SDK1: variants seen among roughly 807,000 people sequenced by gnomAD.
The protein encoded by SDK1 is protein sidekick-1.
A neutral mutation model predicts 245.5 loss-of-function variants in SDK1; 157 were observed. That is an observed-to-expected ratio of 0.64 (90% CI 0.56 to 0.73). The LOEUF (loss-of-function observed/expected upper bound fraction) is 0.73, where lower values mean the gene tolerates loss of function less well. Among genes scored for constraint, SDK1 ranks in the 30% least tolerant of loss-of-function variants. SDK1 has a pLI of 0.00. For synonymous variants in SDK1, 1,647 were observed against 1,278.5 expected, an observed-to-expected ratio of 1.29 and a Z score of -6.15; for missense variants, 3,583 against 3,002.3, an observed-to-expected ratio of 1.19 and a Z score of -4.52.
chr7:3,530,844 G>T (rs553932696), intron 1 of SDK1, among the ~76,000 whole-genome samples: 2 of 152,174 alleles, frequency 1.3e-5, no homozygotes, highest in Non-Finnish European at 2.9e-5. Context: ...TTTTCTGAAA[G>T]AATTAATCAC....
rs377266004 is a variant in SDK1 at position 4,077,184 on chromosome 7, C to A, written c.3197C>A (p.Pro1066His). The A allele has an allele frequency of 1.9e-6, 3 of 1,614,004 alleles. No individual in the cohort carries two copies. In the South Asian group the frequency reaches 3.3e-5, roughly 18 times the overall value. Residue 1066 changes from proline to histidine, a missense_variant, in exon 21 of 45, where the codon CCC becomes CAC. Transcript: ENST00000404826. ...TCATCCACCATTTCTTCTGGAGTGC[C>A]CCCAGGTCAGTAGAATCGTGTGCGG... ...VTSSTISSGVPPDLPGAPSNL... is the reference protein window; with the variant it reads ...VTSSTISSGVHPDLPGAPSNL...
In SDK1 at chr7:4,049,336, G is replaced by C. The variant is rs763213496; in HGVS notation, c.2603-12G>C. On this transcript the variant is annotated splice_polypyrimidine_tract_variant and intron_variant, in intron 17 of 44. Transcript: ENST00000404826. Reference sequence around the variant, plus strand: ...ATTTGTTCTGCTGTCATCAATGACTGCCCTGCCACAGTGCCCACCGCGCCC... The same window carrying C: ...ATTTGTTCTGCTGTCATCAATGACTCCCCTGCCACAGTGCCCACCGCGCCC... The C allele has an allele frequency of 6.2e-7, 1 of 1,609,514 alleles. No individual in the cohort carries two copies. Among genetic ancestry groups the C allele is most frequent in the Non-Finnish European group, 8.5e-7 (1 of 1,176,400 alleles).
At chr7:4,149,213 G>A in intron 29 of SDK1, 49 bp from the exon 30 acceptor site, 1 of 1,417,646 alleles carries the variant, frequency 7.1e-7, no homozygotes, top group Non-Finnish European at 9.3e-7. Context: ...ATGTTCCTTG[G>A]GAAGGGCAGC....
At chr7:3,757,148 C>G (rs73672163) in intron 4 of SDK1, among the ~76,000 whole-genome samples, 3,733 of 152,248 alleles carry the variant, frequency 0.025, 145 homozygotes, top group African/African-American at 0.087. Context: ...GGGCTCAAAA[C>G]TACCCCCACT....
At chr7:3,389,762 A>C (rs1192353553) in intron 1 of SDK1, among the ~76,000 whole-genome samples, 1 of 150,764 alleles carries the variant, frequency 6.6e-6, no homozygotes, top group Non-Finnish European at 1.5e-5. Flanking sequence ...AATAAACAAA[A>C]ACAAAAAACT....
chr7:4,092,346 C>G (rs902971822), intron 22 of SDK1, among the ~76,000 whole-genome samples: 4 of 152,186 alleles, frequency 2.6e-5, no homozygotes, highest in African/African-American at 9.6e-5. Context: ...ACGCCTGGTT[C>G]TCATTCCCCA....
chr7:4,076,831 G>A (rs1229029209), intron 20 of SDK1, among the ~76,000 whole-genome samples, 167 bp from the exon 21 acceptor site: 1 of 152,108 alleles, frequency 6.6e-6, no homozygotes, highest in East Asian at 1.9e-4. Context: ...ACAGAGGAAG[G>A]AGCCTTGACC....
At chr7:3,412,067 A>G (rs761170099) in intron 1 of SDK1, among the ~76,000 whole-genome samples, 1 of 152,140 alleles carries the variant, frequency 6.6e-6, no homozygotes, top group Non-Finnish European at 1.5e-5. Flanking sequence ...ATGGAGAGAA[A>G]GAAGGCGTGT....
rs545798599 is a variant in SDK1 at position 3,727,181 on chromosome 7, A to G, written c.713+85076A>G. On this transcript the variant is annotated intron_variant, in intron 4 of 44. Coordinates refer to ENST00000404826, the MANE Select transcript of SDK1 (RefSeq NM_152744.4). ...ACTTGCATCATAAATAGGTGTTGGC[A>G]AAAGTATCACTCACTGATTATGTAC... Among the ~76,000 whole-genome samples, 32 of 152,360 alleles carry G rather than the reference A, an allele frequency of 2.1e-4. 1 individual carries two copies. In the South Asian group the frequency reaches 6.6e-3, roughly 32 times the overall value.
intron 4 of SDK1, among the ~76,000 whole-genome samples, chr7:3,753,023 A>G (rs574049944): frequency 9.8e-4 from 149 of 152,268 alleles, no homozygotes; most frequent in Admixed American, 1.1e-3. Flanking sequence ...CGTTGATACT[A>G]CTCGGTGTCT....
At chr7:3,302,015 T>TA (rs1779280108) in intron 1 of SDK1, 131 bp downstream of exon 1, 1 of 649,362 alleles carries the variant, frequency 1.5e-6, no homozygotes, top group Admixed American at 5.9e-5. Flanking sequence ...CTGGGGGCTC[T>TA]AGGGAGCCCA....
At chr7:3,829,358 AGAG>A (rs905710881) in intron 5 of SDK1, among the ~76,000 whole-genome samples, 3 of 152,184 alleles carry the variant, frequency 2.0e-5, no homozygotes, top group Non-Finnish European at 4.4e-5. Context: ...GGGCATACAG[AGAG>A]GAGAAGGCCC....
chr7:4,002,333 T>C (rs1015301981), intron 14 of SDK1, among the ~76,000 whole-genome samples: 7 of 152,214 alleles, frequency 4.6e-5, no homozygotes, highest in Non-Finnish European at 8.8e-5. Flanking sequence ...TGAAATTCTT[T>C]GTTGTCTGGG....
In SDK1 at chr7:4,221,803, G is replaced by A. The variant is rs558430732; in HGVS notation, c.5827+439G>A. ...TTATTAATAGTGAAACCGACACATC[G>A]TTTGCTTCATTTTTTAGGCTTCCGA... is the stretch of plus-strand genomic sequence containing the variant. On this transcript the variant is annotated intron_variant, in intron 40 of 44. Coordinates refer to ENST00000404826, the MANE Select transcript of SDK1 (RefSeq NM_152744.4). Among the ~76,000 whole-genome samples the A allele has an allele frequency of 2.4e-4, 36 of 152,250 alleles. 1 individual carries two copies. The highest frequency in any genetic ancestry group is 7.2e-4 in the African/African-American group (30 of 41,558).
At chr7:3,692,092 A>G (rs1309308681) in intron 4 of SDK1, among the ~76,000 whole-genome samples, 1 of 152,170 alleles carries the variant, frequency 6.6e-6, no homozygotes. Flanking sequence ...CATTTAGCTT[A>G]TAATTGAGTT....
At chr7:3,509,152 G>T (rs1433172067) in intron 1 of SDK1, among the ~76,000 whole-genome samples, 1 of 151,930 alleles carries the variant, frequency 6.6e-6, no homozygotes, top group African/African-American at 2.4e-5. Context: ...TCCATCTTAA[G>T]GTGTCAGAAT....
chr7:3,731,989 A>C (rs549396577), intron 4 of SDK1, among the ~76,000 whole-genome samples: 5 of 152,178 alleles, frequency 3.3e-5, no homozygotes, highest in African/African-American at 9.6e-5. Context: ...ATGGGGTTTC[A>C]CCGTGTTGGT....
chr7:3,847,748 C>T (rs890496073), intron 5 of SDK1, among the ~76,000 whole-genome samples: 1 of 152,232 alleles, frequency 6.6e-6, no homozygotes, highest in African/African-American at 2.4e-5. Flanking sequence ...GGAATATTTA[C>T]TGTAAGTAAT....
chr7:4,195,648 G>C (rs925299865), intron 35 of SDK1, among the ~76,000 whole-genome samples: 1 of 152,190 alleles, frequency 6.6e-6, no homozygotes, highest in Non-Finnish European at 1.5e-5. Flanking sequence ...TTAGAAGCCA[G>C]AATGCCCAGG....
Sources: allele counts gnomAD v4.1 joint callset (sites outside exome capture counted in the v4.1 genomes callset), GRCh38; gene constraint gnomAD v4.1.1; transcripts MANE v1.5; gene names NCBI Gene and HGNC (gene_info 2026-07-23, HGNC 2026-07-21).